Variants in CDC27 observed in about 807,000 individuals in gnomAD.
CDC27 encodes the protein cell division cycle protein 27 homolog.
Under a neutral mutation model 109.7 loss-of-function variants are expected in CDC27, and 27 were observed. That is an observed-to-expected ratio of 0.25 (90% CI 0.18 to 0.34). The LOEUF is 0.34. Ranked by LOEUF, CDC27 falls within the 10% of genes least tolerant of loss-of-function variation. The probability of loss-of-function intolerance (pLI) is 1.00; values close to 1 mark genes in which losing one functional copy is unlikely to be tolerated. For synonymous variants in CDC27, 266 were observed against 333.9 expected, an observed-to-expected ratio of 0.80 and a Z score of 2.22; for missense variants, 579 against 960.2, an observed-to-expected ratio of 0.60 and a Z score of 5.25.
chr17:47,183,865 C>T (rs948386555), intron 1 of CDC27, among the ~76,000 whole-genome samples: 3 of 152,050 alleles, frequency 2.0e-5, no homozygotes, highest in Non-Finnish European at 4.4e-5. Context: ...CACTCTTGTA[C>T]GTTAGTCTTA....
At chr17:47,159,388 A>T in intron 4 of CDC27, 1 of 969,194 alleles carries the variant, frequency 1.0e-6, no homozygotes, top group Non-Finnish European at 1.5e-6. Context: ...GTGGCAGTGC[A>T]GCCCCTGGCT....
chr17:47,137,622 T>C (rs1345705382), intron 13 of CDC27, among the ~76,000 whole-genome samples: 7 of 152,220 alleles, frequency 4.6e-5, no homozygotes, highest in Admixed American at 3.3e-4. Flanking sequence ...TTGAATAATG[T>C]GACTCTACCT....
At chr17:47,187,593 C>T (rs770410921) in intron 1 of CDC27, among the ~76,000 whole-genome samples, 2 of 152,078 alleles carry the variant, frequency 1.3e-5, no homozygotes, top group African/African-American at 4.8e-5. Context: ...TAAGCCACCA[C>T]GCCCGGCCTT....
intron 2 of CDC27, among the ~76,000 whole-genome samples, chr17:47,180,606 C>T (rs1338340062): frequency 6.9e-6 from 1 of 144,838 alleles, no homozygotes; most frequent in Non-Finnish European, 1.5e-5. Flanking sequence ...AAGGAAATGA[C>T]TCAAAAAAAA....
chr17:47,157,406 AAG>A (rs1491575972), intron 5 of CDC27, 22 bp from the exon 6 acceptor site: 5 of 1,586,620 alleles, frequency 3.2e-6, no homozygotes, highest in African/African-American at 1.4e-5. Flanking sequence ...AAAAAAAAAA[AAG>A]TTTGTCTCTG....
At position 47,132,281 on chromosome 17, in the gene CDC27, T is replaced by A. The variant is rs750121183; in HGVS notation, c.2007A>T (p.Ser669=). 6.3e-7 allele frequency: 1 copy of A among 1,589,752 alleles called. No individual in the cohort carries two copies. Among genetic ancestry groups the A allele is most frequent in the Non-Finnish European group, 8.6e-7 (1 of 1,163,922 alleles). ...CTACTCCAATGTGGCAAAGTAAAAC[T>A]GAACTTTGAGGGTTGATATCAAGCG... ...QKALDINPQS[S]VLLCHIGVVQ... is the part of the protein sequence containing the mutation. Residue 669 remains serine, a synonymous_variant, in exon 15 of 19, where the codon TCA becomes TCT. Coordinates refer to ENST00000066544, the MANE Select transcript of CDC27 (RefSeq NM_001256.6).
At chr17:47,130,933 T>C (rs12937292) in intron 15 of CDC27, among the ~76,000 whole-genome samples, 12,419 of 151,822 alleles carry the variant, frequency 0.082, 583 homozygotes, top group African/African-American at 0.12. Context: ...TGAATGTGGC[T>C]GCAGAACTTT....
At chr17:47,146,694 T>C (rs1170522752) in intron 9 of CDC27, among the ~76,000 whole-genome samples, 2 of 152,214 alleles carry the variant, frequency 1.3e-5, no homozygotes, top group African/African-American at 4.8e-5. Flanking sequence ...TCAAGCTGTT[T>C]CCAAGCAACT....
At position 47,179,260 on chromosome 17, in the gene CDC27, T is replaced by C. The variant is rs73319510; in HGVS notation, c.103+2302A>G. Among the ~76,000 whole-genome samples the C allele has an allele frequency of 4.8e-3, 729 of 152,312 alleles. 1 individual carries two copies. The highest frequency in any genetic ancestry group is 0.016 in the African/African-American group (682 of 41,572). ...CTTGTTGGATGTCTTTCTCCAAATA[T>C]AGAAACTGCTACTAGTGACATAGGA... is the stretch of plus-strand genomic sequence containing the variant. On this transcript the variant is annotated intron_variant, in intron 2 of 18. Coordinates refer to ENST00000066544, the MANE Select transcript of CDC27 (RefSeq NM_001256.6).
chr17:47,168,112 T>C (rs2063703230), intron 4 of CDC27, among the ~76,000 whole-genome samples: 1 of 152,148 alleles, frequency 6.6e-6, no homozygotes, highest in Non-Finnish European at 1.5e-5. Flanking sequence ...ACCCTGTCCT[T>C]TTGAGTTTTT....
chr17:47,166,505 T>G (rs989871398), intron 4 of CDC27, among the ~76,000 whole-genome samples: 1 of 152,184 alleles, frequency 6.6e-6, no homozygotes, highest in Non-Finnish European at 1.5e-5. Flanking sequence ...CTTTCTTTTT[T>G]GGGGTCACTT....
At chr17:47,133,032 C>T (rs866661864) in intron 14 of CDC27, among the ~76,000 whole-genome samples, 559 of 48,148 alleles carry the variant, frequency 0.012, 7 homozygotes, top group Admixed American at 0.026. Context: ...TATATATACA[C>T]ACACACACAC....
At chr17:47,145,220 T>C (rs927122943) in intron 9 of CDC27, among the ~76,000 whole-genome samples, 1 of 152,160 alleles carries the variant, frequency 6.6e-6, no homozygotes, top group Non-Finnish European at 1.5e-5. Context: ...AGGGCCACCT[T>C]GCAGGAAAAA....
At chr17:47,128,810 G>A (rs948858397) in intron 16 of CDC27, among the ~76,000 whole-genome samples, 6 of 142,420 alleles carry the variant, frequency 4.2e-5, no homozygotes, top group South Asian at 2.2e-4. Context: ...TCGCTCTGTC[G>A]CCCAGGCTGG....
chr17:47,160,381 C>T (rs957634623), intron 4 of CDC27, among the ~76,000 whole-genome samples: 22 of 152,058 alleles, frequency 1.4e-4, no homozygotes, highest in African/African-American at 5.3e-4. Flanking sequence ...GTGCACACCA[C>T]CATGCCAGCT....
Position 47,189,286 on chromosome 17 carries a change from G to T in CDC27, c.-114C>A. The T allele has an allele frequency of 1.2e-6, 1 of 815,192 alleles. No individual in the cohort carries two copies. The highest frequency in any genetic ancestry group is 2.6e-5 in the East Asian group (1 of 38,628). 50.5% of individuals were successfully genotyped at this position (815,192 alleles called of 1,614,324 possible). A position where few individuals can be genotyped will look rare whatever the true frequency, so the allele number is the denominator to read the frequency against. On this transcript the variant is annotated 5_prime_UTR_variant, in exon 1 of 19. Transcript: ENST00000066544. The stretch of plus-strand genomic sequence containing the variant: ...CAGCGACCGTTACCGGGGGATGGGG[G>T]AGGCCGAGCGATTGCCGAGTGCTTC...
chr17:47,143,819 A>G, intron 10 of CDC27, 64 bp downstream of exon 10: 1 of 691,210 alleles, frequency 1.4e-6, no homozygotes, highest in Non-Finnish European at 2.3e-6. Flanking sequence ...GGAGTCATCA[A>G]TGAACAGAAA....
At chr17:47,181,438 A>G in intron 2 of CDC27, 124 bp downstream of exon 2, 1 of 536,254 alleles carries the variant, frequency 1.9e-6, no homozygotes, top group Non-Finnish European at 3.4e-6. Context: ...GATTTTATGA[A>G]CTAGTGTCAA....
intron 8 of CDC27, among the ~76,000 whole-genome samples, chr17:47,153,830 C>T (rs2063219020): frequency 6.6e-6 from 1 of 152,086 alleles, no homozygotes; most frequent in Non-Finnish European, 1.5e-5. Flanking sequence ...TGTTTATAAT[C>T]CTAGCACTTT....
Sources: allele counts gnomAD v4.1 joint callset (sites outside exome capture counted in the v4.1 genomes callset), GRCh38; gene constraint gnomAD v4.1.1; transcripts MANE v1.5; gene names NCBI Gene and HGNC (gene_info 2026-07-23, HGNC 2026-07-21).